Variants in POMT1 observed in about 807,000 individuals in gnomAD.
POMT1 encodes the protein protein O-mannosyltransferase 1.
In POMT1, 85 loss-of-function variants were observed where a neutral mutation model predicts 101.6. The observed-to-expected ratio is 0.84, with a 90% CI of 0.70 to 1.00. The LOEUF (loss-of-function observed/expected upper bound fraction) is 1.00, where lower values mean the gene tolerates loss of function less well. POMT1 is among the 50% of genes least tolerant of loss of function. The pLI, the probability that POMT1 is intolerant of heterozygous loss-of-function variation, is 0.00. For synonymous variants in POMT1, 371 were observed against 383.0 expected, an observed-to-expected ratio of 0.97 and a Z score of 0.37; for missense variants, 857 against 930.4, an observed-to-expected ratio of 0.92 and a Z score of 1.03.
chr9:131,518,917 G>A lies in POMT1; in HGVS notation c.1446G>A (p.Gly482=). The A allele has an allele frequency of 6.2e-7, 1 of 1,613,816 alleles. No homozygotes were observed. Among genetic ancestry groups the A allele is most frequent in the African/African-American group, 1.3e-5 (1 of 75,060 alleles). ...VGEKLSRGYH[G]STVWNVEEHR... ...AGAAGCTGTCCCGGGGCTACCACGGGAGCACGGTGTGGAACGTGGAGGAGC... is the reference window on the plus strand; with the variant it reads ...AGAAGCTGTCCCGGGGCTACCACGGAAGCACGGTGTGGAACGTGGAGGAGC... Residue 482 remains glycine, a synonymous_variant, in exon 15 of 20, where the codon GGG becomes GGA. Coordinates refer to ENST00000402686, the MANE Select transcript of POMT1 (RefSeq NM_001077365.2).
At chr9:131,520,422 G>A (rs1949685046) in intron 17 of POMT1, among the ~76,000 whole-genome samples, 1 of 152,232 alleles carries the variant, frequency 6.6e-6, no homozygotes, top group Non-Finnish European at 1.5e-5. Context: ...TGCTTTTGTG[G>A]AGACACATTG....
In POMT1 at chr9:131,511,381, C is replaced by G. The variant is rs1262489760; in HGVS notation, c.900C>G (p.Ala300=). The G allele has an allele frequency of 6.2e-7, 1 of 1,613,924 alleles. No homozygotes were observed. The highest frequency in any genetic ancestry group is 1.3e-5 in the African/African-American group (1 of 74,928). The change falls in exon 10 of 20, where the codon GCC becomes GCG. Residue 300 remains alanine (A), a synonymous_variant. Transcript: ENST00000402686. ...RITQGQPLEV[A]FGSQVTLRNV... is the part of the protein sequence containing the mutation. ...CTCAGGGTCAGCCACTGGAGGTGGC[C>G]TTTGGGTCCCAGGTCACTCTGAGGA...
chr9:131,513,729 C>T (rs558257522), intron 12 of POMT1, among the ~76,000 whole-genome samples: 56 of 152,342 alleles, frequency 3.7e-4, no homozygotes, highest in African/African-American at 1.3e-3. Flanking sequence ...AGCTCGGGCA[C>T]GAGTGGAGCC....
intron 2 of POMT1, 87 bp downstream of exon 2, chr9:131,504,427 A>G (rs1945272544): frequency 7.5e-6 from 12 of 1,599,908 alleles, no homozygotes; most frequent in Non-Finnish European, 1.0e-5. Flanking sequence ...TAAATGGGAG[A>G]GTGAAATCCT....
In POMT1 at chr9:131,503,723, G is replaced by A. The variant is rs1367942182; in HGVS notation, c.-30-466G>A. On this transcript the variant is annotated intron_variant, in intron 1 of 19. Coordinates refer to ENST00000402686, the MANE Select transcript of POMT1 (RefSeq NM_001077365.2). The surrounding 1 kb of genome is among the most constrained non-coding windows in gnomAD (Gnocchi z 4.4). ...TGCCGCTGGGATAGAAGGCAGGGAG[G>A]CACTGGGGGCAGATGCATCCTTGAG... Among the ~76,000 whole-genome samples, 1 of 152,218 alleles carries A rather than the reference G, an allele frequency of 6.6e-6. No individual in the cohort carries two copies. The highest frequency in any genetic ancestry group is 1.5e-5 in the Non-Finnish European group (1 of 68,028).
intron 4 of POMT1, 106 bp from the exon 5 acceptor site, chr9:131,507,261 AT>A: frequency 6.4e-7 from 1 of 1,562,326 alleles, no homozygotes; most frequent in South Asian, 1.1e-5. Context: ...GTAAACGTGC[AT>A]TTTAGAGTCT....
intron 13 of POMT1, 56 bp from the exon 14 acceptor site, chr9:131,518,389 T>C (rs747563530): frequency 6.9e-7 from 1 of 1,449,958 alleles, no homozygotes; most frequent in South Asian, 1.1e-5. Context: ...TCTTTATTTT[T>C]ACATTGAAGG....
intron 9 of POMT1, chr9:131,510,979 T>TA: frequency 1.1e-5 from 3 of 271,182 alleles, no homozygotes; most frequent in Non-Finnish European, 2.1e-5. Context: ...CGACGGCCAG[T>TA]GCTGTAGTGC....
intron 11 of POMT1, among the ~76,000 whole-genome samples, chr9:131,512,375 G>C (rs544657192): frequency 6.6e-6 from 1 of 152,098 alleles, no homozygotes; most frequent in Admixed American, 6.5e-5. Flanking sequence ...TCAATGCCCC[G>C]ACCTGTGTCC....
In POMT1 at chr9:131,506,467, T is replaced by C; in HGVS notation, c.280+14T>C. The C allele has an allele frequency of 6.2e-7, 1 of 1,602,352 alleles. No homozygotes were observed. Among genetic ancestry groups the C allele is most frequent in the Non-Finnish European group, 8.6e-7 (1 of 1,169,268 alleles). ...GAATTGGAGCAGGTAAAAGATAATT[T>C]TCATTTCCCTTTTAATGTGCGCAGG... On this transcript the variant is annotated intron_variant, in intron 4 of 19. Transcript: ENST00000402686.
rs1950169600 is a variant in POMT1 at position 131,522,580 on chromosome 9, G to C, written c.2004-352G>C. 4 of 524,854 alleles carry C rather than the reference G, an allele frequency of 7.6e-6. No individual in the cohort carries two copies. In the Admixed American group the frequency reaches 9.6e-5, roughly 13 times the overall value. The allele number at this position is 524,854 out of a possible 1,614,324, so 32.5% of individuals were successfully genotyped here. The stretch of plus-strand genomic sequence containing the variant: ...GTCGGGTTGTGTGGTGTGGTGGAGA[G>C]AACCCAAGAAAGCTTCTAAACCAGA... On this transcript the variant is annotated intron_variant, in intron 19 of 19. Coordinates refer to ENST00000402686, the MANE Select transcript of POMT1 (RefSeq NM_001077365.2). This position sits in a 1 kb window ranked among gnomAD's most constrained non-coding sequence, Gnocchi z 5.5.
At chr9:131,514,947 A>G (rs1416160045) in intron 12 of POMT1, among the ~76,000 whole-genome samples, 2 of 152,078 alleles carry the variant, frequency 1.3e-5, no homozygotes, top group Non-Finnish European at 2.9e-5. Context: ...ACAGAGTGAG[A>G]CTCCATCTCA....
intron 4 of POMT1, 195 bp downstream of exon 4, chr9:131,506,648 TA>T: frequency 1.6e-6 from 1 of 635,186 alleles, no homozygotes; most frequent in Non-Finnish European, 2.8e-6. Context: ...AAAGTCTGGT[TA>T]AAATCTTACT....
Position 131,503,243 on chromosome 9 carries a change from G to C in POMT1, c.-31+170G>C, listed in dbSNP as rs1050494901. On this transcript the variant is annotated intron_variant, in intron 1 of 19. Transcript: ENST00000402686. This position sits in a 1 kb window ranked among gnomAD's most constrained non-coding sequence, Gnocchi z 4.4. ...GCAGATGCGGCGTTCGGGCGGCCGA[G>C]CCCCGAAGTAAGAACTCCGTGGCGC... 6.6e-6 allele frequency: 1 copy of C among 152,534 alleles called. No homozygotes were observed. Among genetic ancestry groups the C allele is most frequent in the East Asian group, 1.9e-4 (1 of 5,180 alleles). The allele number at this position is 152,534 out of a possible 1,614,324, so 9.4% of individuals were successfully genotyped here. A position where few individuals can be genotyped will look rare whatever the true frequency, so the allele number is the denominator to read the frequency against.
chr9:131,518,538 G>GT lies in POMT1; in HGVS notation c.1365+2dup, dbSNP rs1164616267. ...CGTGAACACTTCCGCTGTCTTAAAGGTAAGGACACTGTCCGTGGCTTGGCC... is the reference window on the plus strand; with the variant it reads ...CGTGAACACTTCCGCTGTCTTAAAGGTTAAGGACACTGTCCGTGGCTTGGCC... On this transcript the variant is annotated splice_donor_variant, in intron 14 of 19. Transcript: ENST00000402686. LOFTEE classifies it high-confidence loss of function. 1.2e-6 allele frequency: 2 copies of GT among 1,612,614 alleles called. No individual in the cohort carries two copies. Among genetic ancestry groups the GT allele is most frequent in the Non-Finnish European group, 1.7e-6 (2 of 1,178,864 alleles).
At position 131,518,936 on chromosome 9, in the gene POMT1, G is replaced by A. The variant is rs1366954245; in HGVS notation, c.1465G>A (p.Glu489Lys). 2 of 1,613,722 alleles carry A rather than the reference G, an allele frequency of 1.2e-6. No individual in the cohort carries two copies. Among genetic ancestry groups the A allele is most frequent in the South Asian group, 2.2e-5 (2 of 91,086 alleles). Residue 489 changes from glutamate to lysine, a missense_variant, in exon 15 of 20, where the codon GAG (glutamate) becomes AAG (lysine). Physicochemically the swap from Glu to Lys is moderately conservative, Grantham distance 56. Transcript: ENST00000402686. Reference protein sequence around the residue: ...GYHGSTVWNVEEHRYGASQEQ... With the variant: ...GYHGSTVWNVKEHRYGASQEQ... ...CCACGGGAGCACGGTGTGGAACGTGGAGGAGCACCGATACGGCGCGAGTGA... is the reference window on the plus strand; with the variant it reads ...CCACGGGAGCACGGTGTGGAACGTGAAGGAGCACCGATACGGCGCGAGTGA...
chr9:131,506,309 G>A, intron 3 of POMT1, 89 bp downstream of exon 3: 1 of 1,564,104 alleles, frequency 6.4e-7, no homozygotes. Flanking sequence ...GCAGAAACCA[G>A]GTCTTATTAT....
chr9:131,522,303 G>A lies in POMT1; in HGVS notation c.2003+79G>A. 3 of 1,594,382 alleles carry A rather than the reference G, an allele frequency of 1.9e-6. No individual in the cohort carries two copies. The highest frequency in any genetic ancestry group is 2.6e-6 in the Non-Finnish European group (3 of 1,175,368). ...AGCCCATGCGCAGCAAACACATGGG[G>A]TGCAGCGAACCTCACCCATTTCACG... On this transcript the variant is annotated intron_variant, in intron 19 of 19. Coordinates refer to ENST00000402686, the MANE Select transcript of POMT1 (RefSeq NM_001077365.2). The surrounding 1 kb of genome is among the most constrained non-coding windows in gnomAD (Gnocchi z 5.5).
At chr9:131,517,739 C>G (rs1949018060) in intron 13 of POMT1, among the ~76,000 whole-genome samples, 1 of 152,232 alleles carries the variant, frequency 6.6e-6, no homozygotes, top group Non-Finnish European at 1.5e-5. Flanking sequence ...TCTGTCCTTT[C>G]TGATGGCCCC....
Sources: allele counts gnomAD v4.1 joint callset (sites outside exome capture counted in the v4.1 genomes callset), GRCh38; gene constraint gnomAD v4.1.1; non-coding constraint Gnocchi (gnomAD v3.1); transcripts MANE v1.5; gene names NCBI Gene and HGNC (gene_info 2026-07-23, HGNC 2026-07-21).